Variants in MBD2 observed in about 807,000 individuals in gnomAD.
The protein encoded by MBD2 is methyl-CpG-binding domain protein 2.
Under a neutral mutation model 39.3 loss-of-function variants are expected in MBD2, and 9 were observed. The observed-to-expected ratio is 0.23, with a 90% CI of 0.14 to 0.40. MBD2 has a LOEUF of 0.40. Among genes scored for constraint, MBD2 ranks in the 10% least tolerant of loss-of-function variants. MBD2 has a pLI of 1.00. For missense variants in MBD2, 458 were observed against 532.6 expected, an observed-to-expected ratio of 0.86 and a Z score of 1.38; for synonymous variants, 233 against 211.1, an observed-to-expected ratio of 1.10 and a Z score of -0.90.
At chr18:54,176,801 A>T (rs1400565938) in intron 3 of MBD2, among the ~76,000 whole-genome samples, 1 of 152,350 alleles carries the variant, frequency 6.6e-6, no homozygotes, top group African/African-American at 2.4e-5. Context: ...AGATAATGAC[A>T]AGAAAATTAT....
chr18:54,185,601 CA>C (rs2086280839), intron 3 of MBD2, among the ~76,000 whole-genome samples: 1 of 152,022 alleles, frequency 6.6e-6, no homozygotes, highest in South Asian at 2.1e-4. Flanking sequence ...GCATTGTTAC[CA>C]GCAAAAATTA....
chr18:54,157,313 T>C (rs1041356364), intron 6 of MBD2, among the ~76,000 whole-genome samples: 2 of 151,958 alleles, frequency 1.3e-5, no homozygotes, highest in African/African-American at 2.4e-5. Context: ...CAGGCTGTAG[T>C]GCAGTGGCGC....
chr18:54,159,625 C>T (rs1460272852), intron 6 of MBD2, 140 bp downstream of exon 6: 8 of 820,110 alleles, frequency 9.8e-6, no homozygotes, highest in South Asian at 3.5e-5. Flanking sequence ...TGCCATGTTG[C>T]TCAAGCTGGT....
intron 3 of MBD2, among the ~76,000 whole-genome samples, chr18:54,176,558 G>C (rs1395568485): frequency 1.3e-5 from 2 of 152,264 alleles, no homozygotes; most frequent in Non-Finnish European, 2.9e-5. Flanking sequence ...ACTCTCAAAA[G>C]GCTAAATATA....
chr18:54,164,720 C>T lies in MBD2; in HGVS notation c.932-20G>A. 2.5e-6 allele frequency: 4 copies of T among 1,586,844 alleles called. No homozygotes were observed. The highest frequency in any genetic ancestry group is 3.5e-6 in the Non-Finnish European group (4 of 1,157,258). ...CAACTCCTGCAATGAGAAACAAGTACTAGTTAAAGGAAATGTCTCAATGTG... is the reference window on the plus strand; with the variant it reads ...CAACTCCTGCAATGAGAAACAAGTATTAGTTAAAGGAAATGTCTCAATGTG... On this transcript the variant is annotated intron_variant, in intron 4 of 6. Transcript: ENST00000256429.
chr18:54,183,116 G>A (rs1432551512), intron 3 of MBD2, among the ~76,000 whole-genome samples: 4 of 152,194 alleles, frequency 2.6e-5, no homozygotes, highest in African/African-American at 9.7e-5. Flanking sequence ...AGGCAGCCAA[G>A]CGGACAGTGG....
Position 54,188,950 on chromosome 18 carries a change from G to A in MBD2, c.764C>T (p.Pro255Leu). 2 of 1,610,166 alleles carry A rather than the reference G, an allele frequency of 1.2e-6. No individual in the cohort carries two copies. The highest frequency in any genetic ancestry group is 8.5e-7 in the Non-Finnish European group (1 of 1,177,460). The change falls in exon 3 of 7, where the codon CCG (proline) becomes CTG (leucine). Residue 255 changes from proline to leucine, a missense_variant. Physicochemically the swap from Pro to Leu is moderately conservative, Grantham distance 98. This residue lies in a region of MBD2 where 189 missense variants were observed against 296.6 expected (regional missense o/e 0.64). Transcript: ENST00000256429. ...IRQTASIFKQ[P>L]VTKVTNHPSN... ...AGGATGATTTGTGACTTTGGTTACCGGTTGTTTGAAAATTGATGCTGTTTG... is the reference window on the plus strand; with the variant it reads ...AGGATGATTTGTGACTTTGGTTACCAGTTGTTTGAAAATTGATGCTGTTTG...
At chr18:54,192,918 TGAGA>T (rs2086332511) in intron 2 of MBD2, among the ~76,000 whole-genome samples, 2 of 152,258 alleles carry the variant, frequency 1.3e-5, no homozygotes, top group Non-Finnish European at 2.9e-5. Flanking sequence ...TGGCACAGAA[TGAGA>T]CATTATTCAA....
chr18:54,222,802 G>A (rs977454128), intron 1 of MBD2, among the ~76,000 whole-genome samples: 1 of 152,222 alleles, frequency 6.6e-6, no homozygotes. Flanking sequence ...TTTACATGCT[G>A]CACCAGCAGT....
chr18:54,214,367 T>A (rs1372123174), intron 1 of MBD2, among the ~76,000 whole-genome samples: 2 of 152,114 alleles, frequency 1.3e-5, no homozygotes, highest in Non-Finnish European at 2.9e-5. Flanking sequence ...AGCTAATTTT[T>A]AAAAATTTTT....
rs1325038433 is a variant in MBD2, at chr18:54,155,120, G to T, written c.*204C>A. 6.6e-6 allele frequency: 1 copy of T among 152,344 alleles called. No homozygotes were observed. Among genetic ancestry groups the T allele is most frequent in the South Asian group, 2.1e-4 (1 of 4,808 alleles). The allele number at this position is 152,344 out of a possible 1,614,324, so 9.4% of individuals were successfully genotyped here. A position where few individuals can be genotyped will look rare whatever the true frequency, so the allele number is the denominator to read the frequency against. On this transcript the variant is annotated 3_prime_UTR_variant, in exon 7 of 7. Coordinates refer to ENST00000256429, the MANE Select transcript of MBD2 (RefSeq NM_003927.5). ...ACAAAAGACTAATTTTAAGTCCTAG[G>T]ACTCAAAATAAACATGATTTTTTGA...
At chr18:54,166,525 G>GA (rs1377971279) in intron 3 of MBD2, among the ~76,000 whole-genome samples, 2 of 152,100 alleles carry the variant, frequency 1.3e-5, no homozygotes, top group Admixed American at 6.6e-5. Context: ...ACTTATTAAG[G>GA]AAAAGAAAAC....
chr18:54,204,956 C>T, intron 2 of MBD2, 42 bp downstream of exon 2: 1 of 1,573,998 alleles, frequency 6.4e-7, no homozygotes, highest in Non-Finnish European at 8.6e-7. Context: ...TTTTGAAGAG[C>T]TTTCGAAGTA....
chr18:54,224,634 G>T lies in MBD2; in HGVS notation c.-75C>A. The T allele has an allele frequency of 1.9e-6, 2 of 1,062,054 alleles. No individual in the cohort carries two copies. Among genetic ancestry groups the T allele is most frequent in the Non-Finnish European group, 2.4e-6 (2 of 833,894 alleles). 65.8% of individuals were successfully genotyped at this position (1,062,054 alleles called of 1,614,324 possible). On this transcript the variant is annotated 5_prime_UTR_variant, in exon 1 of 7. An upstream open reading frame in the 5' UTR gains an earlier in-frame stop. Transcript: ENST00000256429. The stretch of plus-strand genomic sequence containing the variant: ...GGAATCCCGGAGACCCGCCCCGCCC[G>T]CAGCGCGGCGCGCGGGGGACGCGCG...
At chr18:54,216,452 G>A (rs894946870) in intron 1 of MBD2, among the ~76,000 whole-genome samples, 8 of 152,204 alleles carry the variant, frequency 5.3e-5, no homozygotes, top group Admixed American at 3.9e-4. Flanking sequence ...ATTATACCAG[G>A]GACTATGCTG....
chr18:54,205,113 T>C lies in MBD2; in HGVS notation c.587A>G (p.Tyr196Cys), dbSNP rs773633248. 3 of 1,614,034 alleles carry C rather than the reference T, an allele frequency of 1.9e-6. No individual in the cohort carries two copies. The highest frequency in any genetic ancestry group is 1.7e-5 in the Admixed American group (1 of 60,008). Reference protein sequence around the residue: ...KFRSKPQLARYLGNTVDLSSF... With the variant: ...KFRSKPQLARCLGNTVDLSSF... The stretch of plus-strand genomic sequence containing the variant: ...GCTGAGATCAACAGTATTTCCCAGG[T>C]ACCTTGCCAACTGAGGCTTGCTTCT... Residue 196 changes from tyrosine (Y) to cysteine (C), a missense_variant, in exon 2 of 7, where the codon TAC becomes TGC. By Grantham distance (194) the Tyr-to-Cys change is radical. Around this residue, in one of 2 missense-constraint regions of MBD2, gnomAD observed 189 missense variants for 296.6 expected, o/e 0.64. Coordinates refer to ENST00000256429, the MANE Select transcript of MBD2 (RefSeq NM_003927.5).
chr18:54,222,082 G>A (rs2086618783), intron 1 of MBD2, among the ~76,000 whole-genome samples: 1 of 152,180 alleles, frequency 6.6e-6, no homozygotes, highest in East Asian at 1.9e-4. Context: ...GAATAATCTT[G>A]TCAAATATAA....
At chr18:54,214,627 T>G (rs2086540172) in intron 1 of MBD2, among the ~76,000 whole-genome samples, 2 of 152,238 alleles carry the variant, frequency 1.3e-5, no homozygotes, top group African/African-American at 4.8e-5. Flanking sequence ...CTATTTCTGT[T>G]GGCTAATTAA....
At chr18:54,184,971 T>C (rs1196240947) in intron 3 of MBD2, among the ~76,000 whole-genome samples, 1 of 152,168 alleles carries the variant, frequency 6.6e-6, no homozygotes, top group Non-Finnish European at 1.5e-5. Flanking sequence ...TTGTCAGTCA[T>C]TAAGAACATT....
Sources: allele counts gnomAD v4.1 joint callset (sites outside exome capture counted in the v4.1 genomes callset), GRCh38; gene constraint gnomAD v4.1.1; regional missense constraint gnomAD v4.1.1; transcripts MANE v1.5; gene names NCBI Gene and HGNC (gene_info 2026-07-23, HGNC 2026-07-21).